The following TBC1D10A variants were observed in gnomAD, a reference collection of about 807,000 sequenced individuals.
TBC1D10A encodes EBP50-PDX interactor of 64 kDa.
Under a neutral mutation model 52.9 loss-of-function variants are expected in TBC1D10A, and 24 were observed. The observed-to-expected ratio is 0.45, with a 90% CI of 0.33 to 0.64. TBC1D10A has a LOEUF of 0.64. Among genes scored for constraint, TBC1D10A ranks in the 30% least tolerant of loss-of-function variants. The pLI is 0.02. For synonymous variants in TBC1D10A, 278 were observed against 282.9 expected (o/e 0.98, Z 0.17); for missense variants, 602 against 687.9 (o/e 0.88, Z 1.40).
chr22:30,299,433 G>A lies in TBC1D10A; in HGVS notation c.417+11C>T. ...CGGAAGGGAGGGCAGGGCAAAGGAA[G>A]GGAAACTTACGTCAAACTTTCCAGG... On this transcript the variant is annotated intron_variant, in intron 3 of 8. Transcript: ENST00000215790. 3.1e-6 allele frequency: 5 copies of A among 1,613,234 alleles called. No individual in the cohort carries two copies. Among genetic ancestry groups the A allele is most frequent in the Non-Finnish European group, 4.2e-6 (5 of 1,179,218 alleles).
chr22:30,299,398 C>T, intron 3 of TBC1D10A, 46 bp downstream of exon 3: 1 of 1,590,282 alleles, frequency 6.3e-7, no homozygotes, highest in Non-Finnish European at 8.6e-7. Context: ...GGGGAGGACG[C>T]CAAGAGATGC....
rs1930014019 is a variant in TBC1D10A at position 30,293,948 on chromosome 22, G to A, written c.868C>T (p.Arg290Cys). 1.9e-6 allele frequency: 3 copies of A among 1,614,010 alleles called. No homozygotes were observed. Among genetic ancestry groups the A allele is most frequent in the South Asian group, 1.1e-5 (1 of 91,086 alleles). Reference protein sequence around the residue: ...SRTLPWSSVLRVWDMFFCEGV... With the variant: ...SRTLPWSSVLCVWDMFFCEGV... Reference sequence around the variant, plus strand: ...TCACAGAAGAACATGTCCCAGACACGCAGCACAGAGCTCCAGGGCAAGGTT... The same window carrying A: ...TCACAGAAGAACATGTCCCAGACACACAGCACAGAGCTCCAGGGCAAGGTT... The change falls in exon 7 of 9, where the codon CGT (arginine) becomes TGT (cysteine). Residue 290 changes from arginine (R) to cysteine (C), a missense_variant. This residue lies in a region of TBC1D10A where 136 missense variants were observed against 208.4 expected (regional missense o/e 0.65). Coordinates refer to ENST00000215790, the MANE Select transcript of TBC1D10A (RefSeq NM_031937.3).
chr22:30,319,697 A>G (rs1324558170), intron 1 of TBC1D10A, among the ~76,000 whole-genome samples: 2 of 152,144 alleles, frequency 1.3e-5, no homozygotes, highest in Non-Finnish European at 2.9e-5. Context: ...CTGGTTAAGT[A>G]TCAGGAGCAT....
intron 1 of TBC1D10A, among the ~76,000 whole-genome samples, chr22:30,313,683 G>A (rs1370408680): frequency 2.0e-5 from 3 of 149,460 alleles, no homozygotes. Context: ...TTACAGGCGT[G>A]AGCCACCGTG....
intron 1 of TBC1D10A, among the ~76,000 whole-genome samples, chr22:30,304,881 G>T (rs1930280064): frequency 6.6e-6 from 1 of 152,250 alleles, no homozygotes; most frequent in Non-Finnish European, 1.5e-5. Context: ...ATGTGGCCAG[G>T]ACCCATGGTA....
intron 2 of TBC1D10A, among the ~76,000 whole-genome samples, chr22:30,302,584 G>C (rs1003495404): frequency 5.3e-5 from 8 of 152,260 alleles, no homozygotes; most frequent in Non-Finnish European, 7.3e-5. Flanking sequence ...CCCGAGGGCA[G>C]GGCCCAGTAT....
intron 1 of TBC1D10A, among the ~76,000 whole-genome samples, chr22:30,312,240 C>T (rs1368866974): frequency 6.6e-6 from 1 of 152,200 alleles, no homozygotes; most frequent in Non-Finnish European, 1.5e-5. Context: ...TCATCCTTAC[C>T]AAACTGCTAG....
Position 30,295,835 on chromosome 22 carries a change from G to A in TBC1D10A, c.426C>T (p.Asp142=), listed in dbSNP as rs974397949. 12 of 1,613,016 alleles carry A rather than the reference G, an allele frequency of 7.4e-6. No individual in the cohort carries two copies. The highest frequency in any genetic ancestry group is 8.5e-6 in the Non-Finnish European group (10 of 1,179,554). The stretch of plus-strand genomic sequence containing the variant: ...GCCACTTGGGGTCCCCAGGGGACAT[G>A]TCCAGCTCCTAGAAGCAAGGGCACA... ...QQNPGKFDEL[D]MSPGDPKWLD... The change falls in exon 4 of 9, where the codon GAC becomes GAT. Residue 142 remains aspartate (D), a synonymous_variant. Coordinates refer to ENST00000215790, the MANE Select transcript of TBC1D10A (RefSeq NM_031937.3).
chr22:30,314,001 G>A (rs1422768425), intron 1 of TBC1D10A, among the ~76,000 whole-genome samples: 1 of 152,074 alleles, frequency 6.6e-6, no homozygotes, highest in African/African-American at 2.4e-5. Context: ...CGCTTGCTAT[G>A]CACCAGACAC....
Position 30,307,250 on chromosome 22 carries a change from G to A in TBC1D10A, c.210-2620C>T, listed in dbSNP as rs145895600. 1.1e-4 allele frequency among the ~76,000 whole-genome samples: 17 copies of A among 152,272 alleles called. No homozygotes were observed. The East Asian group carries it at 3.3e-3, about 29-fold the overall frequency. ...ATAAGGGACCACAAATGGCCCATGG[G>A]GGATGTCGCAAATCTGGCGGCCTCA... On this transcript the variant is annotated intron_variant, in intron 1 of 8. Transcript: ENST00000215790.
At chr22:30,305,034 G>A (rs1224381895) in intron 1 of TBC1D10A, among the ~76,000 whole-genome samples, 2 of 152,182 alleles carry the variant, frequency 1.3e-5, no homozygotes, top group Admixed American at 6.5e-5. Flanking sequence ...CTAGTCAAAC[G>A]AGTACAGAAA....
intron 2 of TBC1D10A, among the ~76,000 whole-genome samples, chr22:30,303,143 T>C (rs1380134456): frequency 6.6e-6 from 1 of 152,070 alleles, no homozygotes; most frequent in Non-Finnish European, 1.5e-5. Flanking sequence ...TCGCCACGTG[T>C]GGTGACGTGC....
At chr22:30,318,579 T>G (rs1930585328) in intron 1 of TBC1D10A, 1 of 470,436 alleles carries the variant, frequency 2.1e-6, no homozygotes. Context: ...CAGCTGGCCT[T>G]GCTTCCCTGT....
At chr22:30,325,779 C>T (rs1930756137) in intron 1 of TBC1D10A, among the ~76,000 whole-genome samples, 3 of 152,108 alleles carry the variant, frequency 2.0e-5, no homozygotes, top group Admixed American at 2.0e-4. Flanking sequence ...CTAATATGAG[C>T]AGGGACCCTG....
chr22:30,310,707 T>C (rs1930407705), intron 1 of TBC1D10A, among the ~76,000 whole-genome samples: 1 of 152,230 alleles, frequency 6.6e-6, no homozygotes, highest in South Asian at 2.1e-4. Flanking sequence ...GAAATAGCTT[T>C]AATTATCTCC....
At position 30,294,873 on chromosome 22, in the gene TBC1D10A, A is replaced by G. The variant is rs368471617; in HGVS notation, c.640-12T>C. ...CACCAGAAGGCTTGCTGTGGGCAAGAGAGATGTGAGGCCTTGCCGTTGGGG... is the reference window on the plus strand; with the variant it reads ...CACCAGAAGGCTTGCTGTGGGCAAGGGAGATGTGAGGCCTTGCCGTTGGGG... On this transcript the variant is annotated splice_polypyrimidine_tract_variant and intron_variant, in intron 5 of 8. Coordinates refer to ENST00000215790, the MANE Select transcript of TBC1D10A (RefSeq NM_031937.3). 1.9e-6 allele frequency: 3 copies of G among 1,613,994 alleles called. No homozygotes were observed. In the African/African-American group the frequency reaches 4.0e-5, roughly 22 times the overall value.
chr22:30,323,311 T>C (rs1167178837), intron 1 of TBC1D10A, among the ~76,000 whole-genome samples: 2 of 152,236 alleles, frequency 1.3e-5, no homozygotes, highest in African/African-American at 4.8e-5. Flanking sequence ...GTCCTGAAGC[T>C]AATCAGTCTA....
intron 1 of TBC1D10A, among the ~76,000 whole-genome samples, chr22:30,311,245 G>A (rs570216712): frequency 6.6e-6 from 1 of 152,210 alleles, no homozygotes; most frequent in Admixed American, 6.5e-5. Flanking sequence ...CTGGTGGTGT[G>A]CAAATGGCTG....
intron 1 of TBC1D10A, among the ~76,000 whole-genome samples, chr22:30,321,412 G>C (rs1930649669): frequency 6.6e-6 from 1 of 152,198 alleles, no homozygotes; most frequent in Non-Finnish European, 1.5e-5. Context: ...TAGAGAATAA[G>C]GCAAGGAGTC....
Sources: gnomAD v4.1 joint callset for allele counts (sites outside exome capture counted in the v4.1 genomes callset) on GRCh38, gnomAD v4.1.1 for gene constraint, gnomAD v4.1.1 regional missense constraint, MANE v1.5 for transcripts, NCBI Gene and HGNC (gene_info 2026-07-23, HGNC 2026-07-21) for gene names.